Variants in ARHGEF38 observed in about 807,000 individuals in gnomAD.
ARHGEF38 encodes the protein Rho guanine nucleotide exchange factor 38.
A neutral mutation model predicts 79.9 loss-of-function variants in ARHGEF38; 79 were observed. The observed-to-expected ratio is 0.99, with a 90% CI of 0.82 to 1.19. ARHGEF38 has a LOEUF of 1.19. Ranked by LOEUF, ARHGEF38 falls within the 50% of genes most tolerant of loss-of-function variation. The pLI is 0.00. For synonymous variants in ARHGEF38, 366 were observed against 328.3 expected (o/e 1.11, Z -1.24); for missense variants, 962 against 907.2 (o/e 1.06, Z -0.78).
chr4:105,656,477 T>C (rs888585595), intron 9 of ARHGEF38, among the ~76,000 whole-genome samples: 11 of 152,184 alleles, frequency 7.2e-5, no homozygotes, highest in Non-Finnish European at 1.6e-4. Flanking sequence ...GTAAAACATT[T>C]ATTTTGTAAG....
intron 1 of ARHGEF38, among the ~76,000 whole-genome samples, chr4:105,557,225 ATG>A (rs1482499038): frequency 3.9e-5 from 6 of 152,056 alleles, no homozygotes; most frequent in Non-Finnish European, 5.9e-5. Context: ...GTGTATATAT[ATG>A]TGTGTATATA....
intron 3 of ARHGEF38, among the ~76,000 whole-genome samples, chr4:105,630,264 T>C (rs888841746): frequency 4.0e-5 from 6 of 151,788 alleles, no homozygotes; most frequent in Non-Finnish European, 8.8e-5. Flanking sequence ...TTTTTTTTTT[T>C]TGAGATAGAG....
rs1730799307 is a variant in ARHGEF38, at chr4:105,667,583, C to CA, written c.2029dup (p.Ser677LysfsTer12). On this transcript the variant is annotated frameshift_variant, in exon 13 of 14. Coordinates refer to ENST00000420470, the MANE Select transcript of ARHGEF38 (RefSeq NM_001242729.2). LOFTEE classifies it high-confidence loss of function. ...TCGTGTCTTCACGGCCAGCTAGTGACAGTGTCACAGGCACCTCAGAAAGCA... is the reference window on the plus strand; with the variant it reads ...TCGTGTCTTCACGGCCAGCTAGTGACAAGTGTCACAGGCACCTCAGAAAGCA... 6.5e-7 allele frequency: 1 copy of CA among 1,536,710 alleles called. No individual in the cohort carries two copies. Among genetic ancestry groups the CA allele is most frequent in the East Asian group, 2.4e-5 (1 of 40,918 alleles).
chr4:105,655,341 A>G (rs921094769), intron 8 of ARHGEF38, among the ~76,000 whole-genome samples: 3 of 152,228 alleles, frequency 2.0e-5, no homozygotes, highest in Non-Finnish European at 4.4e-5. Context: ...AGAATAGCTA[A>G]TGAGGGAATT....
chr4:105,580,504 T>C (rs776143080), intron 1 of ARHGEF38, among the ~76,000 whole-genome samples: 6 of 152,228 alleles, frequency 3.9e-5, no homozygotes, highest in African/African-American at 7.2e-5. Flanking sequence ...AGTTGTTTCA[T>C]TTCCATGTAA....
At chr4:105,602,584 T>C (rs1422492696) in intron 2 of ARHGEF38, among the ~76,000 whole-genome samples, 1 of 152,068 alleles carries the variant, frequency 6.6e-6, no homozygotes, top group Non-Finnish European at 1.5e-5. Context: ...AGATCAGGGT[T>C]AGGGATGACA....
intron 4 of ARHGEF38, chr4:105,631,759 G>C (rs1209562983): frequency 1.2e-6 from 1 of 821,438 alleles, no homozygotes; most frequent in Non-Finnish European, 1.5e-6. Flanking sequence ...TGTTTGGATT[G>C]ATTCTTTTAA....
chr4:105,643,278 T>C (rs1260048523), intron 5 of ARHGEF38, among the ~76,000 whole-genome samples: 1 of 152,028 alleles, frequency 6.6e-6, no homozygotes, highest in Admixed American at 6.6e-5. Flanking sequence ...TTTTTCCCTC[T>C]TTCTGCCTCC....
intron 2 of ARHGEF38, among the ~76,000 whole-genome samples, chr4:105,590,114 G>GGAAA: frequency 7.7e-6 from 1 of 129,772 alleles, no homozygotes; most frequent in Admixed American, 7.3e-5. Flanking sequence ...AAGGAAGGAA[G>GGAAA]GAAGGAAGGA....
rs764616853 is a variant in ARHGEF38 at position 105,667,160 on chromosome 4, G to T, written c.1721G>T (p.Arg574Leu). 2 of 1,533,976 alleles carry T rather than the reference G, an allele frequency of 1.3e-6. No homozygotes were observed. Among genetic ancestry groups the T allele is most frequent in the African/African-American group, 1.4e-5 (1 of 73,078 alleles). The change falls in exon 12 of 14, where the codon CGC (arginine) becomes CTC (leucine). Residue 574 changes from arginine to leucine, a missense_variant. Transcript: ENST00000420470. ...PEMPHQTDIH[R>L]SKLLSTYSAE... ...ATGCCACATCAAACTGACATTCATC[G>T]CTCCAAACTTCTATCCACATATAGT...
intron 2 of ARHGEF38, among the ~76,000 whole-genome samples, chr4:105,595,215 A>T (rs1727525992): frequency 6.6e-6 from 1 of 152,188 alleles, no homozygotes; most frequent in African/African-American, 2.4e-5. Flanking sequence ...CTTTTTACCC[A>T]TCCAATGATA....
At chr4:105,674,717 T>C (rs900725416) in intron 13 of ARHGEF38, among the ~76,000 whole-genome samples, 14 of 152,096 alleles carry the variant, frequency 9.2e-5, no homozygotes, top group African/African-American at 3.1e-4. Context: ...ATCTAAAGCA[T>C]TGAAAGTATA....
At chr4:105,676,626 G>A (rs1446777808) in intron 13 of ARHGEF38, among the ~76,000 whole-genome samples, 1 of 152,100 alleles carries the variant, frequency 6.6e-6, no homozygotes. Flanking sequence ...GAAGAATAAA[G>A]ACTTATTTTG....
intron 3 of ARHGEF38, among the ~76,000 whole-genome samples, chr4:105,617,689 G>A (rs1329136183): frequency 7.9e-5 from 12 of 152,052 alleles, no homozygotes; most frequent in Admixed American, 7.9e-4. Context: ...TCATCAAATG[G>A]AGAAAATAAC....
At chr4:105,610,108 C>T (rs1728226004) in intron 2 of ARHGEF38, among the ~76,000 whole-genome samples, 1 of 152,026 alleles carries the variant, frequency 6.6e-6, no homozygotes, top group Admixed American at 6.6e-5. Context: ...AACAAAGAAA[C>T]AGAAAACCAA....
Position 105,648,623 on chromosome 4 carries a change from A to G in ARHGEF38, c.949A>G (p.Ser317Gly). 2.0e-6 allele frequency: 3 copies of G among 1,533,708 alleles called. No individual in the cohort carries two copies. The highest frequency in any genetic ancestry group is 1.2e-5 in the South Asian group (1 of 83,568). ...GTCTAAACTAAATATTCATTCAATTAGCAAGAAATCAAAAAGAGTGACAAA... is the reference window on the plus strand; with the variant it reads ...GTCTAAACTAAATATTCATTCAATTGGCAAGAAATCAAAAAGAGTGACAAA... Reference protein sequence around the residue: ...KLSKLNIHSISKKSKRVTNHL... With the variant: ...KLSKLNIHSIGKKSKRVTNHL... Residue 317 changes from serine to glycine, a missense_variant, in exon 7 of 14, where the codon AGC becomes GGC. Physicochemically the swap from Ser to Gly is moderately conservative, Grantham distance 56 (BLOSUM62 0). Transcript: ENST00000420470.
intron 1 of ARHGEF38, chr4:105,570,060 G>C (rs887235438): frequency 1.7e-4 from 26 of 152,260 alleles, no homozygotes; most frequent in African/African-American, 6.0e-4. Context: ...GGAGTGAAGG[G>C]AGAGAGCCCA....
chr4:105,552,776 A>G lies in ARHGEF38; in HGVS notation c.11A>G (p.Lys4Arg), dbSNP rs1470093887. MEP[K>R]EATGKENMVT... ...TTGTCTTTGCCTAATATGGAGCCCA[A>G]AGAAGCCACTGGGAAAGAAAACATG... The change falls in exon 1 of 14, where the codon AAA (lysine) becomes AGA (arginine). Residue 4 changes from lysine to arginine, a missense_variant. Coordinates refer to ENST00000420470, the MANE Select transcript of ARHGEF38 (RefSeq NM_001242729.2). 1.2e-6 allele frequency: 2 copies of G among 1,609,868 alleles called. No homozygotes were observed. The highest frequency in any genetic ancestry group is 1.7e-5 in the Admixed American group (1 of 59,198).
intron 1 of ARHGEF38, among the ~76,000 whole-genome samples, chr4:105,581,512 G>A (rs866584320): frequency 1.3e-5 from 2 of 151,930 alleles, no homozygotes; most frequent in South Asian, 4.2e-4. Context: ...TTCTTGGCTT[G>A]TTCATTAATC....
Sources: allele counts gnomAD v4.1 joint callset (sites outside exome capture counted in the v4.1 genomes callset), GRCh38; gene constraint gnomAD v4.1.1; transcripts MANE v1.5; gene names NCBI Gene and HGNC (gene_info 2026-07-23, HGNC 2026-07-21).